Variants in XKR6 observed in about 807,000 individuals in gnomAD.
XKR6 encodes XK-related protein 6.
XKR6 carries 22 observed loss-of-function variants against 56.7 expected under a neutral mutation model. The observed-to-expected ratio is 0.39, with a 90% confidence interval of 0.28 to 0.55. The LOEUF (loss-of-function observed/expected upper bound fraction) is 0.55. Among genes scored for constraint, XKR6 ranks in the 20% least tolerant of loss-of-function variants. The pLI is 0.66. For synonymous variants in XKR6, 524 were observed against 387.8 expected, an observed-to-expected ratio of 1.35 and a Z score of -4.13; for missense variants, 852 against 889.0, an observed-to-expected ratio of 0.96 and a Z score of 0.53.
In XKR6 at chr8:11,003,453, C is replaced by A. The variant is rs115674042; in HGVS notation, c.765-78623G>T. Among the ~76,000 whole-genome samples, 458 of 152,200 alleles carry A rather than the reference C, an allele frequency of 3.0e-3. 5 individuals carry two copies. Among genetic ancestry groups the A allele is most frequent in the African/African-American group, 0.01 (433 of 41,518 alleles). Reference sequence around the variant, plus strand: ...TCATCACCATCACCACAATCATAGTCACTATCATCACCATCAACCACCACC... The same window carrying A: ...TCATCACCATCACCACAATCATAGTAACTATCATCACCATCAACCACCACC... On this transcript the variant is annotated intron_variant, in intron 1 of 2. Transcript: ENST00000416569.
At chr8:11,194,356 C>A (rs1372432880) in intron 1 of XKR6, 1 of 152,210 alleles carries the variant, frequency 6.6e-6, no homozygotes, top group Non-Finnish European at 1.5e-5. Context: ...TCATACCAGG[C>A]TATGTCCTGC....
chr8:10,984,398 A>T (rs1427480058), intron 1 of XKR6, among the ~76,000 whole-genome samples: 1 of 152,198 alleles, frequency 6.6e-6, no homozygotes, highest in African/African-American at 2.4e-5. Flanking sequence ...AGGAACGTCT[A>T]TTATCAATAC....
chr8:11,051,239 C>G (rs974598006), intron 1 of XKR6, among the ~76,000 whole-genome samples: 1 of 152,036 alleles, frequency 6.6e-6, no homozygotes, highest in African/African-American at 2.4e-5. Flanking sequence ...CACTGGCCCC[C>G]GATCACCCTG....
chr8:11,077,507 A>G (rs972875982), intron 1 of XKR6, among the ~76,000 whole-genome samples: 2 of 151,950 alleles, frequency 1.3e-5, no homozygotes, highest in South Asian at 4.1e-4. Context: ...GGAGGAGGGC[A>G]TGGGAGAAAG....
At chr8:11,023,301 A>G (rs1369896389) in intron 1 of XKR6, among the ~76,000 whole-genome samples, 1 of 152,190 alleles carries the variant, frequency 6.6e-6, no homozygotes. Flanking sequence ...GGAAGCAGTG[A>G]GGCACCTCAC....
intron 1 of XKR6, among the ~76,000 whole-genome samples, chr8:11,191,131 TTAAC>T (rs1803551479): frequency 6.6e-6 from 1 of 152,202 alleles, no homozygotes; most frequent in Non-Finnish European, 1.5e-5. Flanking sequence ...CTTAAACTCA[TTAAC>T]TGTTTACTGG....
At chr8:10,958,915 G>T (rs994187311) in intron 1 of XKR6, among the ~76,000 whole-genome samples, 2 of 152,230 alleles carry the variant, frequency 1.3e-5, no homozygotes, top group South Asian at 4.1e-4. Flanking sequence ...GATGCTTTAT[G>T]GTGACAGCGG....
intron 1 of XKR6, among the ~76,000 whole-genome samples, chr8:10,994,839 C>G (rs528782896): frequency 7.2e-5 from 11 of 152,184 alleles, no homozygotes; most frequent in Non-Finnish European, 1.6e-4. Flanking sequence ...GCTCATGAGG[C>G]CTCCCCCTAA....
chr8:11,191,701 G>GAA (rs145736616), intron 1 of XKR6, among the ~76,000 whole-genome samples: 313 of 83,508 alleles, frequency 3.7e-3, no homozygotes, highest in African/African-American at 8.1e-3. Flanking sequence ...AATGTCATGA[G>GAA]AAAAAAAAAA....
intron 2 of XKR6, among the ~76,000 whole-genome samples, chr8:10,914,448 T>G (rs1037142909): frequency 6.6e-6 from 1 of 152,142 alleles, no homozygotes; most frequent in African/African-American, 2.4e-5. Context: ...CTGTAGTCTT[T>G]CCTGCAGCTG....
intron 1 of XKR6, among the ~76,000 whole-genome samples, chr8:11,094,083 C>CTTTT (rs35652292): frequency 0.01 from 1,400 of 137,830 alleles, 22 homozygotes; most frequent in African/African-American, 0.035. Flanking sequence ...CGCGCCCGGC[C>CTTTT]TTTTTTTTTT....
chr8:11,101,471 A>C (rs1202012426), intron 1 of XKR6, among the ~76,000 whole-genome samples: 1 of 148,006 alleles, frequency 6.8e-6, no homozygotes, highest in Non-Finnish European at 1.5e-5. Flanking sequence ...CTCTAAAATT[A>C]TTTACAAATT....
chr8:11,101,197 G>A (rs1042716116), intron 1 of XKR6, among the ~76,000 whole-genome samples: 12 of 152,204 alleles, frequency 7.9e-5, no homozygotes, highest in Admixed American at 3.9e-4. Flanking sequence ...ATTTGGGTAA[G>A]TGCAGAAATT....
chr8:11,150,024 T>G (rs1801190787), intron 1 of XKR6, among the ~76,000 whole-genome samples: 1 of 152,132 alleles, frequency 6.6e-6, no homozygotes, highest in Non-Finnish European at 1.5e-5. Flanking sequence ...AAAAAATTGA[T>G]CTCATGGAGG....
At chr8:11,195,172 G>T in intron 1 of XKR6, 1 of 703,234 alleles carries the variant, frequency 1.4e-6, no homozygotes, top group Admixed American at 2.0e-5. Flanking sequence ...AACTTCATGT[G>T]GTTAAATCTG....
chr8:11,099,220 G>A (rs1274827552), intron 1 of XKR6, among the ~76,000 whole-genome samples: 3 of 152,156 alleles, frequency 2.0e-5, no homozygotes, highest in East Asian at 1.9e-4. Flanking sequence ...GAGGGCAATC[G>A]TCCAACCAAA....
At chr8:11,094,074 G>T (rs941639881) in intron 1 of XKR6, among the ~76,000 whole-genome samples, 1 of 137,470 alleles carries the variant, frequency 7.3e-6, no homozygotes, top group African/African-American at 3.1e-5. Context: ...GTGAGCCACC[G>T]CGCCCGGCCT....
chr8:11,074,290 T>G (rs1800211421), intron 1 of XKR6, among the ~76,000 whole-genome samples: 1 of 152,188 alleles, frequency 6.6e-6, no homozygotes, highest in Admixed American at 6.5e-5. Flanking sequence ...TTCCCGGCCT[T>G]GGGTCTCCTC....
intron 2 of XKR6, among the ~76,000 whole-genome samples, chr8:10,900,682 G>A (rs186954735): frequency 1.1e-4 from 17 of 152,208 alleles, no homozygotes; most frequent in African/African-American, 3.9e-4. Flanking sequence ...CACATGTCCT[G>A]CCTCACTTGT....
Sources: allele counts gnomAD v4.1 joint callset (sites outside exome capture counted in the v4.1 genomes callset), GRCh38; gene constraint gnomAD v4.1.1; transcripts MANE v1.5; gene names NCBI Gene and HGNC (gene_info 2026-07-23, HGNC 2026-07-21).